Variants in CPAMD8 observed in about 807,000 individuals in gnomAD.
CPAMD8 encodes the protein C3 and PZP like alpha-2-macroglobulin domain containing 8, also known as C3 and PZP-like alpha-2-macroglobulin domain-containing protein 8.
CPAMD8 carries 146 observed loss-of-function variants against 224.7 expected under a neutral mutation model. That is an observed-to-expected ratio of 0.65 (90% CI 0.57 to 0.75). CPAMD8 has a LOEUF of 0.75. CPAMD8 is among the 30% of genes least tolerant of loss of function. The pLI is 0.00. For synonymous variants in CPAMD8, 966 were observed against 1,044.6 expected (o/e 0.92, Z 1.45); for missense variants, 2,301 against 2,537.5 (o/e 0.91, Z 2.00).
chr19:16,980,677 C>T lies in CPAMD8; in HGVS notation c.1405G>A (p.Glu469Lys), dbSNP rs1485206409. The change falls in exon 14 of 42, where the codon GAA becomes AAA. Residue 469 changes from glutamate (E) to lysine (K), a missense_variant. Physicochemically the swap from Glu to Lys is moderately conservative, Grantham distance 56. Transcript: ENST00000443236. ...PPSHPLQVGE[E>K]AYFSVKSTCP... ...GTGGACTTCACAGAAAAATAGGCTT[C>T]TTCCCCAACCTATGGAAGACACGCA... 6.5e-7 allele frequency: 1 copy of T among 1,540,918 alleles called. No homozygotes were observed. Among genetic ancestry groups the T allele is most frequent in the East Asian group, 2.4e-5 (1 of 42,520 alleles).
chr19:17,010,320 G>A (rs910602890), intron 5 of CPAMD8, among the ~76,000 whole-genome samples: 59 of 151,838 alleles, frequency 3.9e-4, no homozygotes, highest in East Asian at 1.9e-4. Flanking sequence ...TTGCAGCCTC[G>A]AACTCCTGGG....
In CPAMD8 at chr19:16,903,409, G is replaced by A. The variant is rs1224760952; in HGVS notation, c.4470+152C>T. ...GAGGACCCATGGCCACCTGCCTTGGGCAGTATTAGAAGGCTGAAAACCTGT... is the reference window on the plus strand; with the variant it reads ...GAGGACCCATGGCCACCTGCCTTGGACAGTATTAGAAGGCTGAAAACCTGT... On this transcript the variant is annotated intron_variant, in intron 34 of 41. Coordinates refer to ENST00000443236, the MANE Select transcript of CPAMD8 (RefSeq NM_015692.5). 7.2e-6 allele frequency: 8 copies of A among 1,109,796 alleles called. No individual in the cohort carries two copies. In the South Asian group the frequency reaches 7.7e-5, roughly 11 times the overall value. 68.7% of individuals were successfully genotyped at this position (1,109,796 alleles called of 1,614,324 possible).
chr19:16,943,873 C>T (rs1395439943), intron 22 of CPAMD8, among the ~76,000 whole-genome samples: 1 of 152,188 alleles, frequency 6.6e-6, no homozygotes, highest in Non-Finnish European at 1.5e-5. Context: ...GCTGGCCAGC[C>T]CTCCTATCAC....
chr19:16,988,007 G>T (rs2122866244), intron 13 of CPAMD8, among the ~76,000 whole-genome samples: 1 of 152,194 alleles, frequency 6.6e-6, no homozygotes, highest in East Asian at 1.9e-4. Flanking sequence ...AGTTACAACT[G>T]CTCTTAAAAA....
At chr19:16,953,610 G>A (rs1399337658) in intron 19 of CPAMD8, among the ~76,000 whole-genome samples, 1 of 150,800 alleles carries the variant, frequency 6.6e-6, no homozygotes, top group Admixed American at 6.6e-5. Context: ...CTGAGGTTGG[G>A]GGATCACTTG....
At position 17,008,840 on chromosome 19, in the gene CPAMD8, C is replaced by A. The variant is rs2056568918; in HGVS notation, c.505-281G>T. Reference sequence around the variant, plus strand: ...TGGTGGCTCACACCTGTAATCCCAGCAGTTTGGGAGGCCAAGGTGGGCGGA... The same window carrying A: ...TGGTGGCTCACACCTGTAATCCCAGAAGTTTGGGAGGCCAAGGTGGGCGGA... On this transcript the variant is annotated intron_variant, in intron 6 of 41. Coordinates refer to ENST00000443236, the MANE Select transcript of CPAMD8 (RefSeq NM_015692.5). 6 of 494,558 alleles carry A rather than the reference C, an allele frequency of 1.2e-5. No individual in the cohort carries two copies. The Admixed American group carries it at 2.0e-4, about 16-fold the overall frequency. The allele number at this position is 494,558 out of a possible 1,614,324, so 30.6% of individuals were successfully genotyped here. A position where few individuals can be genotyped will look rare whatever the true frequency, so the allele number is the denominator to read the frequency against.
chr19:16,896,692 C>G, intron 39 of CPAMD8, 27 bp from the exon 40 acceptor site: 2 of 1,378,038 alleles, frequency 1.5e-6, no homozygotes, highest in Admixed American at 2.9e-5. Flanking sequence ...GCTCGACAGA[C>G]CCCCCACCCT....
At chr19:17,019,120 GT>G (rs2056887511) in intron 3 of CPAMD8, among the ~76,000 whole-genome samples, 1 of 151,978 alleles carries the variant, frequency 6.6e-6, no homozygotes, top group African/African-American at 2.4e-5. Flanking sequence ...CTTTTGTTAT[GT>G]TTTGTTTTGT....
intron 3 of CPAMD8, among the ~76,000 whole-genome samples, chr19:17,012,021 C>A (rs2056668186): frequency 6.6e-6 from 1 of 152,044 alleles, no homozygotes; most frequent in South Asian, 2.1e-4. Context: ...CAAACTGCCC[C>A]AAATATCTTT....
At position 16,927,973 on chromosome 19, in the gene CPAMD8, CT is replaced by C. The variant is rs752395694; in HGVS notation, c.3370+35del. ...GAGTCTCAACTTCGGCTCTTGCCCC[CT>C]GACCTCTCCAAGCCAGGCTGTGGGA... On this transcript the variant is annotated intron_variant, in intron 25 of 41. Transcript: ENST00000443236. The C allele has an allele frequency of 1.2e-5, 18 of 1,502,796 alleles. No homozygotes were observed. The South Asian group carries it at 1.2e-4, about 10-fold the overall frequency. 93.1% of individuals were successfully genotyped at this position (1,502,796 alleles called of 1,614,324 possible).
At chr19:16,896,929 G>C (rs2227369) in intron 39 of CPAMD8, 1 of 345,898 alleles carries the variant, frequency 2.9e-6, no homozygotes. Flanking sequence ...TGTCTGGGCC[G>C]CCCTGCAACA....
chr19:16,987,924 A>G (rs2055804119), intron 13 of CPAMD8, among the ~76,000 whole-genome samples: 1 of 152,070 alleles, frequency 6.6e-6, no homozygotes, highest in African/African-American at 2.4e-5. Flanking sequence ...TCAGCCTCCC[A>G]AAGTGCCAAG....
intron 22 of CPAMD8, among the ~76,000 whole-genome samples, chr19:16,944,594 T>C (rs10403452): frequency 0.3 from 45,924 of 152,036 alleles, 8,376 homozygotes; most frequent in African/African-American, 0.51. Context: ...AAAGGGTGAC[T>C]GGGGGTCTCT....
intron 7 of CPAMD8, among the ~76,000 whole-genome samples, chr19:17,005,799 T>C (rs771898626): frequency 7.2e-5 from 11 of 151,984 alleles, no homozygotes; most frequent in Non-Finnish European, 1.5e-4. Flanking sequence ...TTTTTCCCCC[T>C]CATATTCAGG....
intron 10 of CPAMD8, among the ~76,000 whole-genome samples, chr19:16,998,246 G>A (rs2056198405): frequency 6.6e-6 from 1 of 152,198 alleles, no homozygotes; most frequent in Admixed American, 6.5e-5. Flanking sequence ...GATCACTTGA[G>A]GTCAGGAGTT....
chr19:16,986,357 G>A (rs576481930), intron 13 of CPAMD8, among the ~76,000 whole-genome samples: 50 of 152,194 alleles, frequency 3.3e-4, no homozygotes, highest in East Asian at 3.9e-4. Flanking sequence ...AGATTCACCC[G>A]GGGAGCAAAA....
chr19:16,903,006 G>A lies in CPAMD8; in HGVS notation c.4471-143C>T, dbSNP rs574165142. On this transcript the variant is annotated intron_variant, in intron 34 of 41. Transcript: ENST00000443236. Reference sequence around the variant, plus strand: ...ATCCATGACAGTTTTAGAGACTACCGTTATTCGTTTTAGCCTTGAAATCAC... The same window carrying A: ...ATCCATGACAGTTTTAGAGACTACCATTATTCGTTTTAGCCTTGAAATCAC... 4.3e-4 allele frequency: 253 copies of A among 588,834 alleles called. 2 individuals are homozygous for A. In the South Asian group the frequency reaches 5.8e-3, roughly 14 times the overall value. The allele number at this position is 588,834 out of a possible 1,614,324, so 36.5% of individuals were successfully genotyped here.
At chr19:17,019,238 C>T (rs2056890936) in intron 3 of CPAMD8, among the ~76,000 whole-genome samples, 2 of 151,984 alleles carry the variant, frequency 1.3e-5, no homozygotes, top group Admixed American at 1.3e-4. Flanking sequence ...ATTCTCCTGC[C>T]TCAGCCCCCG....
At chr19:16,933,405 G>A (rs1006623618) in intron 23 of CPAMD8, among the ~76,000 whole-genome samples, 17 of 152,244 alleles carry the variant, frequency 1.1e-4, no homozygotes, top group Non-Finnish European at 1.6e-4. Flanking sequence ...GTAAGCCACG[G>A]TCTGGGAGAA....
Sources: gnomAD v4.1 joint callset for allele counts (sites outside exome capture counted in the v4.1 genomes callset) on GRCh38, gnomAD v4.1.1 for gene constraint, MANE v1.5 for transcripts, NCBI Gene and HGNC (gene_info 2026-07-23, HGNC 2026-07-21) for gene names.